COG6: variants seen among roughly 807,000 people sequenced by gnomAD.
COG6 encodes the protein conserved oligomeric Golgi complex subunit 6.
In COG6, 74 loss-of-function variants were observed where a neutral mutation model predicts 88.8. That is an observed-to-expected ratio of 0.83 (90% CI 0.69 to 1.01). The LOEUF is 1.01. Among genes scored for constraint, COG6 ranks in the 50% least tolerant of loss-of-function variants. The pLI is 0.00. For missense variants in COG6, 800 were observed against 797.9 expected (o/e 1.00, Z -0.03); for synonymous variants, 286 against 278.7 (o/e 1.03, Z -0.26).
intron 18 of COG6, among the ~76,000 whole-genome samples, chr13:39,779,537 C>T (rs556734239): frequency 4.9e-4 from 75 of 152,282 alleles, no homozygotes; most frequent in African/African-American, 1.8e-3. Flanking sequence ...GGAAAAGTGC[C>T]AGCCAGGCTA....
chr13:39,710,980 A>G (rs1232622301), intron 13 of COG6, among the ~76,000 whole-genome samples: 1 of 152,062 alleles, frequency 6.6e-6, no homozygotes, highest in Non-Finnish European at 1.5e-5. Context: ...TTAAGATTAC[A>G]TTGGAGCCCA....
chr13:39,666,557 C>T (rs964540561), intron 4 of COG6, among the ~76,000 whole-genome samples: 2 of 152,160 alleles, frequency 1.3e-5, no homozygotes, highest in African/African-American at 4.8e-5. Context: ...ACATGACCCC[C>T]AACTCCTTAG....
At chr13:39,678,339 G>A (rs549634293) in intron 5 of COG6, among the ~76,000 whole-genome samples, 1 of 152,272 alleles carries the variant, frequency 6.6e-6, no homozygotes, top group African/African-American at 2.4e-5. Context: ...CTCCCAAAGT[G>A]CTGGGACTAT....
At chr13:39,694,385 C>CT (rs1877141425) in intron 11 of COG6, among the ~76,000 whole-genome samples, 1 of 151,644 alleles carries the variant, frequency 6.6e-6, no homozygotes, top group African/African-American at 2.4e-5. Context: ...ATTGACATTT[C>CT]TGGTAACAAC....
At chr13:39,765,793 T>G (rs1881146942) in intron 18 of COG6, among the ~76,000 whole-genome samples, 1 of 152,208 alleles carries the variant, frequency 6.6e-6, no homozygotes, top group South Asian at 2.1e-4. Flanking sequence ...AGAATTTTGG[T>G]GGTCGGCAAA....
chr13:39,690,407 C>G (rs1263671119), intron 11 of COG6, among the ~76,000 whole-genome samples: 1 of 151,950 alleles, frequency 6.6e-6, no homozygotes, highest in Non-Finnish European at 1.5e-5. Flanking sequence ...TATTAAAACA[C>G]CTATCATCCA....
intron 18 of COG6, among the ~76,000 whole-genome samples, chr13:39,749,117 C>T (rs978222470): frequency 6.6e-6 from 1 of 152,176 alleles, no homozygotes; most frequent in Non-Finnish European, 1.5e-5. Flanking sequence ...TCTAGCTAGT[C>T]ACAGTCATGT....
In COG6 at chr13:39,752,056, G is replaced by A. The variant is rs763979362; in HGVS notation, c.*963G>A. 5 of 1,285,996 alleles carry A rather than the reference G, an allele frequency of 3.9e-6. No individual in the cohort carries two copies. The South Asian group carries it at 6.2e-5, about 16-fold the overall frequency. 79.7% of individuals were successfully genotyped at this position (1,285,996 alleles called of 1,614,324 possible). Reference sequence around the variant, plus strand: ...TATCTCCATGTTGTAACTGGACTCTGACTTTAGACCATTACCTATTAGGAA... The same window carrying A: ...TATCTCCATGTTGTAACTGGACTCTAACTTTAGACCATTACCTATTAGGAA... On this transcript the variant is annotated 3_prime_UTR_variant, in exon 19 of 19. Transcript: ENST00000455146.
intron 8 of COG6, among the ~76,000 whole-genome samples, chr13:39,687,259 T>G (rs1282462541): frequency 6.6e-6 from 1 of 152,176 alleles, no homozygotes; most frequent in African/African-American, 2.4e-5. Flanking sequence ...TCTGCTTTAG[T>G]CCCAAATCCC....
chr13:39,679,364 G>A, intron 5 of COG6, 174 bp from the exon 6 acceptor site: 2 of 615,970 alleles, frequency 3.2e-6, no homozygotes, highest in Non-Finnish European at 5.9e-6. Flanking sequence ...CTTAAAATGT[G>A]AATAAATACC....
chr13:39,763,909 G>C (rs540388422), intron 18 of COG6, among the ~76,000 whole-genome samples: 1 of 151,910 alleles, frequency 6.6e-6, no homozygotes, highest in South Asian at 2.1e-4. Flanking sequence ...TTTGATAACA[G>C]GATAATACTG....
chr13:39,659,592 GAT>G, intron 2 of COG6, 85 bp downstream of exon 2: 1 of 1,190,428 alleles, frequency 8.4e-7, no homozygotes, highest in Non-Finnish European at 1.2e-6. Flanking sequence ...GAATTAGGTT[GAT>G]ATGTTTGCTA....
exon 19 of COG6, chr13:39,788,539 G>A: frequency 3.3e-6 from 2 of 609,212 alleles, no homozygotes; most frequent in South Asian, 4.2e-5. Flanking sequence ...TGAACCAAAT[G>A]GAAACTCAGA....
chr13:39,722,655 A>G (rs1003009068), intron 15 of COG6, among the ~76,000 whole-genome samples: 4 of 151,006 alleles, frequency 2.6e-5, no homozygotes, highest in Non-Finnish European at 4.4e-5. Flanking sequence ...TTTTCTCACC[A>G]GGGAATGTTT....
At chr13:39,762,015 A>G (rs887110723) in intron 18 of COG6, among the ~76,000 whole-genome samples, 1 of 151,946 alleles carries the variant, frequency 6.6e-6, no homozygotes, top group Non-Finnish European at 1.5e-5. Flanking sequence ...TACTGGGTAT[A>G]TATCTAAAGG....
intron 18 of COG6, among the ~76,000 whole-genome samples, chr13:39,761,882 A>T (rs1040302121): frequency 2.6e-5 from 4 of 151,794 alleles, no homozygotes; most frequent in African/African-American, 9.7e-5. Flanking sequence ...ACAAATGTTG[A>T]CAAGAATGCA....
intron 18 of COG6, among the ~76,000 whole-genome samples, chr13:39,738,533 A>G (rs1412237299): frequency 1.3e-5 from 2 of 152,194 alleles, no homozygotes; most frequent in East Asian, 1.9e-4. Context: ...TAGCAGGAAG[A>G]TAGACTTAAT....
chr13:39,782,256 G>A (rs1167032137), intron 18 of COG6, among the ~76,000 whole-genome samples: 4 of 152,170 alleles, frequency 2.6e-5, no homozygotes. Flanking sequence ...GAGTAACAGG[G>A]ACTAGAGGTA....
intron 17 of COG6, 44 bp from the exon 18 acceptor site, chr13:39,727,425 C>T: frequency 1.5e-6 from 2 of 1,378,526 alleles, no homozygotes; most frequent in African/African-American, 1.4e-5. Context: ...TGTTTGTTAG[C>T]ACATATATGT....
Sources: gnomAD v4.1 joint callset for allele counts (sites outside exome capture counted in the v4.1 genomes callset) on GRCh38, gnomAD v4.1.1 for gene constraint, MANE v1.5 for transcripts, NCBI Gene and HGNC (gene_info 2026-07-23, HGNC 2026-07-21) for gene names.